CCDC77: variants seen among roughly 807,000 people sequenced by gnomAD.
CCDC77 encodes the protein coiled-coil domain-containing protein 77.
CCDC77 carries 56 observed loss-of-function variants against 66.8 expected under a neutral mutation model. The ratio of observed to expected loss-of-function variants is 0.84; its 90% CI spans 0.68 to 1.05. The LOEUF (loss-of-function observed/expected upper bound fraction) is 1.05, where lower values mean the gene tolerates loss of function less well. CCDC77 is among the 50% of genes least tolerant of loss of function. The probability of loss-of-function intolerance (pLI) is 0.00; values close to 1 mark genes in which losing one functional copy is unlikely to be tolerated. For missense variants in CCDC77, 570 were observed against 576.8 expected (o/e 0.99, Z 0.12); for synonymous variants, 196 against 195.2 (o/e 1.00, Z -0.03).
At chr12:420,867 C>G (rs61919607) in intron 5 of CCDC77, among the ~76,000 whole-genome samples, 1 of 14,174 alleles carries the variant, frequency 7.1e-5, no homozygotes, top group Non-Finnish European at 1.3e-4. Flanking sequence ...AGGGTAAACA[C>G]ACATAGCAGC....
intron 3 of CCDC77, among the ~76,000 whole-genome samples, chr12:411,483 ATT>A (rs918586427): frequency 7.0e-6 from 1 of 141,884 alleles, no homozygotes; most frequent in Non-Finnish European, 1.5e-5. Flanking sequence ...CCCGGCCAAG[ATT>A]TTTTTTTTTT....
At chr12:405,785 G>A (rs897189054) in intron 2 of CCDC77, among the ~76,000 whole-genome samples, 9 of 152,132 alleles carry the variant, frequency 5.9e-5, no homozygotes, top group Non-Finnish European at 1.2e-4. Flanking sequence ...CTTAGTATGA[G>A]CCAGGCACTG....
At chr12:417,507 C>T (rs1314950839) in intron 4 of CCDC77, among the ~76,000 whole-genome samples, 2 of 152,182 alleles carry the variant, frequency 1.3e-5, no homozygotes, top group Non-Finnish European at 2.9e-5. Context: ...TTATTTTAAT[C>T]ATTTGCCTCT....
chr12:411,655 T>G, intron 3 of CCDC77, 92 bp from the exon 4 acceptor site: 2 of 1,052,528 alleles, frequency 1.9e-6, no homozygotes, highest in South Asian at 3.3e-5. Flanking sequence ...TTATAAGCAC[T>G]TTGGGAACAC....
chr12:429,501 C>T (rs1945606534), intron 6 of CCDC77, among the ~76,000 whole-genome samples: 1 of 147,378 alleles, frequency 6.8e-6, no homozygotes, highest in African/African-American at 2.5e-5. Context: ...CATTCTGTTA[C>T]ATAGGTTGGA....
At chr12:435,270 C>T (rs1370436225) in intron 9 of CCDC77, among the ~76,000 whole-genome samples, 1 of 149,376 alleles carries the variant, frequency 6.7e-6, no homozygotes, top group African/African-American at 2.5e-5. Flanking sequence ...CCGTCTCAAG[C>T]CTACTTCTTT....
chr12:441,009 C>A lies in CCDC77; in HGVS notation c.1320+13C>A. The A allele has an allele frequency of 6.2e-7, 1 of 1,607,218 alleles. No individual in the cohort carries two copies. On this transcript the variant is annotated intron_variant, in intron 12 of 12. Coordinates refer to ENST00000239830, the MANE Select transcript of CCDC77 (RefSeq NM_032358.4). Reference sequence around the variant, plus strand: ...AATGTTGTATAAGGTAATTGCTGGTCCTGAATTGCCACGAGGGAGAGAAGA... The same window carrying A: ...AATGTTGTATAAGGTAATTGCTGGTACTGAATTGCCACGAGGGAGAGAAGA...
intron 5 of CCDC77, among the ~76,000 whole-genome samples, chr12:423,155 CT>C (rs1167469225): frequency 1.8e-5 from 2 of 112,200 alleles, no homozygotes; most frequent in Non-Finnish European, 3.4e-5. Flanking sequence ...GGGTCTCACT[CT>C]GTCACCCAGG....
chr12:400,817 C>T (rs1944884873), upstream of CCDC77, among the ~76,000 whole-genome samples: 1 of 152,168 alleles, frequency 6.6e-6, no homozygotes, highest in Non-Finnish European at 1.5e-5. Flanking sequence ...TAAGCCTGTG[C>T]TGTAGGAAAA....
rs996273907 is a variant in CCDC77 at position 414,062 on chromosome 12, C to T, written c.270+2084C>T. On this transcript the variant is annotated intron_variant, in intron 4 of 12. Coordinates refer to ENST00000239830, the MANE Select transcript of CCDC77 (RefSeq NM_032358.4). ...GCAGTGTCTGTCACTTTTGACCTCT[C>T]TTTTTCTAAAATTTTCTTCCTTTCT... is the stretch of plus-strand genomic sequence containing the variant. Among the ~76,000 whole-genome samples, 11 of 150,910 alleles carry T rather than the reference C, an allele frequency of 7.3e-5. 1 individual carries two copies. Among genetic ancestry groups the T allele is most frequent in the African/African-American group, 2.7e-4 (11 of 40,762 alleles).
intron 3 of CCDC77, among the ~76,000 whole-genome samples, chr12:410,699 C>T (rs559365963): frequency 6.6e-6 from 1 of 151,562 alleles, no homozygotes; most frequent in Non-Finnish European, 1.5e-5. Flanking sequence ...ACGCGTGCCA[C>T]CAGGCCCGGC....
intron 5 of CCDC77, among the ~76,000 whole-genome samples, chr12:423,330 A>G (rs1478092844): frequency 2.1e-5 from 3 of 145,018 alleles, no homozygotes; most frequent in Non-Finnish European, 3.0e-5. Flanking sequence ...TGTGGAGACA[A>G]GGTTTCACCA....
chr12:429,178 A>T (rs1217792826), intron 6 of CCDC77, among the ~76,000 whole-genome samples: 4 of 152,184 alleles, frequency 2.6e-5, no homozygotes, highest in African/African-American at 9.7e-5. Context: ...ATCTTTGTTT[A>T]TACTGATTAC....
chr12:438,668 C>T (rs879021798), intron 10 of CCDC77, 114 bp downstream of exon 10: 4 of 725,742 alleles, frequency 5.5e-6, no homozygotes, highest in Non-Finnish European at 9.1e-6. Context: ...GCTCTGGTAG[C>T]AGCTGCCTCA....
intron 5 of CCDC77, among the ~76,000 whole-genome samples, chr12:423,479 G>GTTTTTTTT (rs1289177296): frequency 3.3e-4 from 7 of 21,232 alleles, no homozygotes; most frequent in African/African-American, 8.1e-4. Context: ...TGTTTTTTGT[G>GTTTTTTTT]TTTTTTTTTG....
At chr12:410,938 C>G (rs1403008856) in intron 3 of CCDC77, among the ~76,000 whole-genome samples, 3 of 152,042 alleles carry the variant, frequency 2.0e-5, no homozygotes, top group Admixed American at 2.0e-4. Flanking sequence ...TTTTTCGTCT[C>G]TAATGGATTT....
chr12:391,410 G>A (rs748557230), intron 1 of CCDC77, among the ~76,000 whole-genome samples: 3 of 151,864 alleles, frequency 2.0e-5, no homozygotes, highest in East Asian at 1.9e-4. Flanking sequence ...AGCCGAGATC[G>A]TGCCACTGTA....
chr12:427,028 C>CCT (rs1320426106), intron 5 of CCDC77, among the ~76,000 whole-genome samples: 11 of 152,118 alleles, frequency 7.2e-5, no homozygotes, highest in Non-Finnish European at 1.0e-4. Flanking sequence ...GGGCAGATCA[C>CCT]GAGGTCAGGA....
In CCDC77 at chr12:438,488, A is replaced by G; in HGVS notation, c.975A>G (p.Glu325=). ...ATAGGGTGCAGTGTAAGAAGAAAGA[A>G]GATAAAATTGGAAAAGTGTTGCCCG... is the stretch of plus-strand genomic sequence containing the variant. ...KQYRVQCKKK[E]DKIGKVLPVM... is the part of the protein sequence containing the mutation. Residue 325 remains glutamate (E), a synonymous_variant, in exon 10 of 13, where the codon GAA becomes GAG. Transcript: ENST00000239830. 3.1e-6 allele frequency: 5 copies of G among 1,614,160 alleles called. No individual in the cohort carries two copies. Among genetic ancestry groups the G allele is most frequent in the Non-Finnish European group, 4.2e-6 (5 of 1,179,984 alleles).
Sources: gnomAD v4.1 joint callset for allele counts (sites outside exome capture counted in the v4.1 genomes callset) on GRCh38, gnomAD v4.1.1 for gene constraint, MANE v1.5 for transcripts, NCBI Gene and HGNC (gene_info 2026-07-23, HGNC 2026-07-21) for gene names.